Variants in OTOF observed in about 807,000 individuals in gnomAD.
The protein encoded by OTOF is otoferlin, also known as fer-1-like family member 2.
A neutral mutation model predicts 236.8 loss-of-function variants in OTOF; 218 were observed. The observed-to-expected ratio is 0.92, with a 90% CI of 0.82 to 1.03. OTOF has a LOEUF of 1.03. Among genes scored for constraint, OTOF ranks in the 50% least tolerant of loss-of-function variants. The probability of loss-of-function intolerance (pLI) is 0.00; values close to 1 mark genes in which losing one functional copy is unlikely to be tolerated. For missense variants in OTOF, 2,590 were observed against 2,694.4 expected (o/e 0.96, Z 0.86); for synonymous variants, 1,041 against 1,072.5 (o/e 0.97, Z 0.57).
rs1278895275 is a variant in OTOF at position 26,465,942 on chromosome 2, G to A, written c.4628+7C>T. On this transcript the variant is annotated splice_region_variant and intron_variant, in intron 37 of 46. Transcript: ENST00000272371. ...GTGTGGCAGGGGAGGGCACCAAGAA[G>A]CCTTACTTCCCAAAGACAGGGTTGA... 3 of 1,614,244 alleles carry A rather than the reference G, an allele frequency of 1.9e-6. No individual in the cohort carries two copies. Among genetic ancestry groups the A allele is most frequent in the Non-Finnish European group, 2.5e-6 (3 of 1,180,040 alleles).
At chr2:26,468,335 G>A in intron 33 of OTOF, 73 bp downstream of exon 33, 1 of 1,082,514 alleles carries the variant, frequency 9.2e-7, no homozygotes, top group Non-Finnish European at 1.4e-6. Context: ...AGAAGCAGGT[G>A]ATGAGGTGGG....
Position 26,470,702 on chromosome 2 carries a change from T to C in OTOF, c.3914A>G (p.Lys1305Arg), listed in dbSNP as rs763987551. The C allele has an allele frequency of 1.3e-5, 21 of 1,613,654 alleles. No homozygotes were observed. Among genetic ancestry groups the C allele is most frequent in the Non-Finnish European group, 1.7e-5 (20 of 1,179,952 alleles). ...KVDVAEEEKE[K>R]KKKKKGTAEE... ...CGCAGTGCCCTTCTTCTTCTTCTTC[T>C]TCTCCTTCTCCTCCTCAGCCTGCAG... Residue 1305 changes from lysine (K) to arginine (R), a missense_variant, in exon 32 of 47, where the codon AAG (lysine) becomes AGG (arginine). Around this residue, in one of 2 missense-constraint regions of OTOF, gnomAD observed 1,211 missense variants for 1,352.8 expected, o/e 0.90. Transcript: ENST00000272371. This position sits in a 1 kb window ranked among gnomAD's most constrained non-coding sequence, Gnocchi z 4.3.
intron 5 of OTOF, among the ~76,000 whole-genome samples, chr2:26,509,474 A>G (rs1666330438): frequency 6.6e-6 from 1 of 152,110 alleles, no homozygotes; most frequent in African/African-American, 2.4e-5. Context: ...CTGCATCATC[A>G]TTGCTTTTGC....
At chr2:26,551,479 C>G (rs1303928393) in intron 1 of OTOF, among the ~76,000 whole-genome samples, 3 of 152,228 alleles carry the variant, frequency 2.0e-5, no homozygotes, top group Non-Finnish European at 4.4e-5. Flanking sequence ...CTGACTCTGG[C>G]TCACGCACTG....
At chr2:26,495,615 G>A (rs1665963342) in intron 8 of OTOF, among the ~76,000 whole-genome samples, 2 of 152,024 alleles carry the variant, frequency 1.3e-5, no homozygotes, top group African/African-American at 4.8e-5. Flanking sequence ...TTATACAGAT[G>A]GGGTTTTGCC....
In OTOF at chr2:26,558,606, G is replaced by A. The variant is rs769559093; in HGVS notation, c.-35C>T. 4.5e-6 allele frequency: 7 copies of A among 1,572,164 alleles called. No individual in the cohort carries two copies. In the Admixed American group the frequency reaches 1.0e-4, roughly 22 times the overall value. ...GGCTGCCTGGCACTGCCAGGCAGGA[G>A]CAGCGGGAAGGAGCTAGCCGGTGGA... On this transcript the variant is annotated 5_prime_UTR_variant, in exon 1 of 47. Coordinates refer to ENST00000272371, the MANE Select transcript of OTOF (RefSeq NM_194248.3).
chr2:26,546,344 C>G (rs1202777862), intron 1 of OTOF, among the ~76,000 whole-genome samples: 1 of 151,944 alleles, frequency 6.6e-6, no homozygotes, highest in Non-Finnish European at 1.5e-5. Context: ...GCCTGTAATC[C>G]CAGCTACTCG....
At chr2:26,463,275 CGT>C (rs1452139226) in intron 41 of OTOF, among the ~76,000 whole-genome samples, 2 of 152,350 alleles carry the variant, frequency 1.3e-5, no homozygotes, top group African/African-American at 4.8e-5. Context: ...TGCCTTAGCA[CGT>C]GGGGACTCTC....
chr2:26,489,045 G>A (rs182467266), intron 11 of OTOF, among the ~76,000 whole-genome samples, 166 bp downstream of exon 11: 111 of 152,334 alleles, frequency 7.3e-4, no homozygotes, highest in South Asian at 2.1e-3. Flanking sequence ...TGTACAGACT[G>A]TGCGCGCCAC....
chr2:26,470,203 G>A lies in OTOF; in HGVS notation c.4023+390C>T, dbSNP rs895902729. 6.6e-6 allele frequency among the ~76,000 whole-genome samples: 1 copy of A among 152,102 alleles called. No homozygotes were observed. Among genetic ancestry groups the A allele is most frequent in the Non-Finnish European group, 1.5e-5 (1 of 68,024 alleles). Reference sequence around the variant, plus strand: ...GAGACGCCTTCCCTGATTCCCCCAAGCCATGATTTGCCTTTGTTATCACAT... The same window carrying A: ...GAGACGCCTTCCCTGATTCCCCCAAACCATGATTTGCCTTTGTTATCACAT... On this transcript the variant is annotated intron_variant, in intron 32 of 46. Coordinates refer to ENST00000272371, the MANE Select transcript of OTOF (RefSeq NM_194248.3). The surrounding 1 kb of genome is among the most constrained non-coding windows in gnomAD (Gnocchi z 4.3).
At chr2:26,510,117 G>T (rs531672773) in intron 5 of OTOF, among the ~76,000 whole-genome samples, 1 of 152,236 alleles carries the variant, frequency 6.6e-6, no homozygotes, top group South Asian at 2.1e-4. Context: ...CCCTTCTCCT[G>T]TCCTCTCCAG....
chr2:26,468,196 T>C (rs1664823023), intron 33 of OTOF, among the ~76,000 whole-genome samples: 1 of 152,222 alleles, frequency 6.6e-6, no homozygotes, highest in Non-Finnish European at 1.5e-5. Flanking sequence ...TGCCCATCAC[T>C]GTGGGTGCTG....
At chr2:26,534,346 G>A (rs1667016562) in intron 2 of OTOF, among the ~76,000 whole-genome samples, 1 of 152,160 alleles carries the variant, frequency 6.6e-6, no homozygotes, top group Admixed American at 6.5e-5. Flanking sequence ...GGCTACTCCT[G>A]TTTCCCCAGG....
chr2:26,519,151 C>G, intron 3 of OTOF, 42 bp from the exon 4 acceptor site: 1 of 1,332,002 alleles, frequency 7.5e-7, no homozygotes, highest in African/African-American at 1.4e-5. Context: ...ATGGAAGAGA[C>G]CAGGGTGAGG....
intron 1 of OTOF, among the ~76,000 whole-genome samples, chr2:26,543,748 G>T (rs1269879478): frequency 2.0e-5 from 3 of 152,178 alleles, no homozygotes; most frequent in African/African-American, 7.2e-5. Context: ...ACGGAGTCTT[G>T]ATCTGTCACC....
rs111830604 is a variant in OTOF at position 26,530,687 on chromosome 2, A to G, written c.139-2767T>C. ...TCGTCTGCTTTCTTCTCCTCACCAC[A>G]TCTGTTTTCTTTCATCAGTTTCTCT... On this transcript the variant is annotated intron_variant, in intron 2 of 46. Coordinates refer to ENST00000272371, the MANE Select transcript of OTOF (RefSeq NM_194248.3). Among the ~76,000 whole-genome samples, 486 of 150,890 alleles carry G rather than the reference A, an allele frequency of 3.2e-3. 2 individuals carry two copies. Among genetic ancestry groups the G allele is most frequent in the African/African-American group, 0.011 (468 of 41,032 alleles).
rs181852943 is a variant in OTOF, at chr2:26,465,172, C to T, written c.4800-143G>A. The T allele has an allele frequency of 1.5e-3, 1,039 of 686,250 alleles. 9 individuals carry two copies. The highest frequency in any genetic ancestry group is 5.3e-4 in the Non-Finnish European group (229 of 434,510). 42.5% of individuals were successfully genotyped at this position (686,250 alleles called of 1,614,324 possible). A position where few individuals can be genotyped will look rare whatever the true frequency, so the allele number is the denominator to read the frequency against. The stretch of plus-strand genomic sequence containing the variant: ...GATTCCTCCTGCCCTGGGCCCCAGG[C>T]TCACCTGAGACACTAGGGCTGCTGG... On this transcript the variant is annotated intron_variant, in intron 38 of 46. Coordinates refer to ENST00000272371, the MANE Select transcript of OTOF (RefSeq NM_194248.3).
At position 26,516,472 on chromosome 2, in the gene OTOF, A is replaced by G; in HGVS notation, c.455T>C (p.Leu152Pro). Residue 152 changes from leucine to proline, a missense_variant, in exon 5 of 47, where the codon CTG (leucine) becomes CCG (proline). Leu to Pro is a moderately conservative substitution (Grantham distance 98, BLOSUM62 -3). This residue lies in a region of OTOF where 1,379 missense variants were observed against 1,341.6 expected (regional missense o/e 1.03). Transcript: ENST00000272371. ...GGAGCTGGGCCGGGAGCCTGGGAGC[A>G]GTCCATCCGTCTCTTGGCTGTCCTT... ...EEKDSQETDG[L>P]LPGSRPSSRP... 6.2e-7 allele frequency: 1 copy of G among 1,613,962 alleles called. No individual in the cohort carries two copies. Among genetic ancestry groups the G allele is most frequent in the Non-Finnish European group, 8.5e-7 (1 of 1,180,000 alleles).
Position 26,494,955 on chromosome 2 carries a change from G to A in OTOF, c.884C>T (p.Pro295Leu). Residue 295 changes from proline to leucine, a missense_variant, in exon 9 of 47, where the codon CCC becomes CTC. Pro to Leu is a moderately conservative substitution (Grantham distance 98). Around this residue, in one of 2 missense-constraint regions of OTOF, gnomAD observed 1,379 missense variants for 1,341.6 expected, o/e 1.03. Transcript: ENST00000272371. ...YTSMKESTNCPYYNEYFVFDF... is the reference protein window; with the variant it reads ...YTSMKESTNCLYYNEYFVFDF... ...AGGGCCACTGACCTCGTTGTAATAGGGGCAGTTAGTGGACTCCTTCATGGA... is the reference window on the plus strand; with the variant it reads ...AGGGCCACTGACCTCGTTGTAATAGAGGCAGTTAGTGGACTCCTTCATGGA... 6.2e-7 allele frequency: 1 copy of A among 1,614,118 alleles called. No individual in the cohort carries two copies. The highest frequency in any genetic ancestry group is 8.5e-7 in the Non-Finnish European group (1 of 1,180,010).
Sources: allele counts gnomAD v4.1 joint callset (sites outside exome capture counted in the v4.1 genomes callset), GRCh38; gene constraint gnomAD v4.1.1; regional missense constraint gnomAD v4.1.1; non-coding constraint Gnocchi (gnomAD v3.1); transcripts MANE v1.5; gene names NCBI Gene and HGNC (gene_info 2026-07-23, HGNC 2026-07-21).